The following ITCH variants were observed in gnomAD, a reference collection of about 807,000 sequenced individuals.
ITCH encodes the protein itchy E3 ubiquitin protein ligase.
Under a neutral mutation model 126.8 loss-of-function variants are expected in ITCH, and 28 were observed. The observed-to-expected ratio is 0.22, with a 90% CI of 0.16 to 0.30. The LOEUF (loss-of-function observed/expected upper bound fraction) is 0.30. Among genes scored for constraint, ITCH ranks in the 10% least tolerant of loss-of-function variants. ITCH has a pLI of 1.00. For synonymous variants in ITCH, 342 were observed against 340.0 expected (o/e 1.01, Z -0.06); for missense variants, 631 against 1,032.4 (o/e 0.61, Z 5.33).
intron 2 of ITCH, among the ~76,000 whole-genome samples, chr20:34,389,751 A>G (rs924146363): frequency 2.6e-5 from 4 of 152,284 alleles, no homozygotes; most frequent in Admixed American, 2.6e-4. Context: ...ACTCAAAGTC[A>G]TGACCACTGG....
intron 7 of ITCH, among the ~76,000 whole-genome samples, chr20:34,436,062 C>A (rs1982965901): frequency 6.6e-6 from 1 of 152,114 alleles, no homozygotes; most frequent in African/African-American, 2.4e-5. Flanking sequence ...GGGTGTACAG[C>A]ATTGATGTTA....
At position 34,430,873 on chromosome 20, in the gene ITCH, G is replaced by A. The variant is rs550943352; in HGVS notation, c.521+6348G>A. ...TTTGGATTATGTGGTGGTGAGTGAA[G>A]GTTGAAAGTCCTATATGGAAATTTG... is the stretch of plus-strand genomic sequence containing the variant. On this transcript the variant is annotated intron_variant, in intron 7 of 24. Transcript: ENST00000374864. Among the ~76,000 whole-genome samples, 18 of 152,278 alleles carry A rather than the reference G, an allele frequency of 1.2e-4. No homozygotes were observed. The South Asian group carries it at 3.7e-3, about 32-fold the overall frequency.
intron 20 of ITCH, among the ~76,000 whole-genome samples, chr20:34,486,983 C>A (rs1427540726): frequency 6.8e-6 from 1 of 146,362 alleles, no homozygotes; most frequent in Non-Finnish European, 1.5e-5. Context: ...CATCCAGCCA[C>A]TCTCATTGTA....
intron 3 of ITCH, among the ~76,000 whole-genome samples, chr20:34,402,863 C>T (rs1187075107): frequency 1.3e-5 from 2 of 152,094 alleles, no homozygotes; most frequent in East Asian, 3.8e-4. Flanking sequence ...CTTATATTCT[C>T]GTCTTTACTC....
Position 34,466,245 on chromosome 20 carries a change from T to TG in ITCH, c.1425-3803_1425-3802insG, listed in dbSNP as rs373429074. 9.3e-3 allele frequency: 3,654 copies of TG among 393,124 alleles called. 46 individuals are homozygous for TG. The highest frequency in any genetic ancestry group is 0.024 in the South Asian group (1,214 of 51,370). 24.4% of individuals were successfully genotyped at this position (393,124 alleles called of 1,614,324 possible). ...TTGATTTTTCATAGGTTGAACCTTT[T>TG]TTGCATTCCAGGAATAAATCCTACT... On this transcript the variant is annotated intron_variant, in intron 14 of 24. Coordinates refer to ENST00000374864, the MANE Select transcript of ITCH (RefSeq NM_031483.7).
chr20:34,440,264 A>G lies in ITCH; in HGVS notation c.789A>G (p.Gly263=). 1 of 1,614,020 alleles carries G rather than the reference A, an allele frequency of 6.2e-7. No individual in the cohort carries two copies. The highest frequency in any genetic ancestry group is 8.5e-7 in the Non-Finnish European group (1 of 1,179,866). ...ATACATCTGAAGGAGCAACATCTGGATTAATAATTCCTCTTACTATATCTG... is the reference window on the plus strand; with the variant it reads ...ATACATCTGAAGGAGCAACATCTGGGTTAATAATTCCTCTTACTATATCTG... ...NTNTSEGATS[G]LIIPLTISGG... Residue 263 remains glycine (G), a synonymous_variant, in exon 9 of 25, where the codon GGA becomes GGG. Transcript: ENST00000374864.
At chr20:34,410,799 C>T (rs535835273) in intron 4 of ITCH, among the ~76,000 whole-genome samples, 352 of 152,240 alleles carry the variant, frequency 2.3e-3, no homozygotes, top group Non-Finnish European at 3.6e-3. Context: ...GCTTTGAGTG[C>T]GTACTTGATA....
chr20:34,442,048 C>T, intron 9 of ITCH, 160 bp from the exon 10 acceptor site: 1 of 672,038 alleles, frequency 1.5e-6, no homozygotes, highest in Non-Finnish European at 2.7e-6. Flanking sequence ...GATTACATTT[C>T]TTCACTTTAT....
At chr20:34,488,895 C>G (rs1382119890) in intron 20 of ITCH, among the ~76,000 whole-genome samples, 1 of 151,828 alleles carries the variant, frequency 6.6e-6, no homozygotes, top group Non-Finnish European at 1.5e-5. Flanking sequence ...AAAAATCAGC[C>G]AGGCGTGGTG....
At chr20:34,430,205 T>C (rs1982094847) in intron 7 of ITCH, among the ~76,000 whole-genome samples, 1 of 152,162 alleles carries the variant, frequency 6.6e-6, no homozygotes, top group Non-Finnish European at 1.5e-5. Context: ...GAAAACAAGC[T>C]TAGAAAGGGA....
intron 7 of ITCH, among the ~76,000 whole-genome samples, chr20:34,430,252 A>G (rs1356964128): frequency 6.6e-6 from 1 of 152,198 alleles, no homozygotes; most frequent in Non-Finnish European, 1.5e-5. Flanking sequence ...TAAGTGGGAC[A>G]GTTGAACCTG....
chr20:34,475,020 G>T (rs1600439600), intron 16 of ITCH, among the ~76,000 whole-genome samples: 1 of 151,676 alleles, frequency 6.6e-6, no homozygotes, highest in African/African-American at 2.4e-5. Context: ...CCCAGACGGG[G>T]CGGCGGGGCA....
At chr20:34,506,613 A>G (rs1445654476) in intron 24 of ITCH, among the ~76,000 whole-genome samples, 1 of 152,180 alleles carries the variant, frequency 6.6e-6, no homozygotes, top group East Asian at 1.9e-4. Flanking sequence ...CCTGAGGTGG[A>G]ACAGTTTCAT....
intron 2 of ITCH, among the ~76,000 whole-genome samples, chr20:34,376,242 G>A (rs1048323444): frequency 6.6e-6 from 1 of 151,920 alleles, no homozygotes; most frequent in African/African-American, 2.4e-5. Flanking sequence ...AGCCTCGGCA[G>A]CATGGTGAAA....
intron 9 of ITCH, chr20:34,441,629 A>G (rs1464003752): frequency 6.8e-6 from 1 of 147,714 alleles, no homozygotes; most frequent in African/African-American, 2.6e-5. Context: ...TCTATTGTCC[A>G]GGCTGGAGTG....
At chr20:34,389,130 T>C (rs2038397174) in intron 2 of ITCH, among the ~76,000 whole-genome samples, 1 of 152,194 alleles carries the variant, frequency 6.6e-6, no homozygotes, top group Non-Finnish European at 1.5e-5. Flanking sequence ...TCACATCCCA[T>C]GAGTACTGTA....
At chr20:34,408,336 A>C (rs1382597870) in intron 3 of ITCH, among the ~76,000 whole-genome samples, 4 of 152,118 alleles carry the variant, frequency 2.6e-5, no homozygotes, top group Non-Finnish European at 2.9e-5. Flanking sequence ...AGCCTCCCAA[A>C]GTTCTGGGAT....
At chr20:34,437,604 G>A (rs1983189977) in intron 7 of ITCH, among the ~76,000 whole-genome samples, 1 of 152,174 alleles carries the variant, frequency 6.6e-6, no homozygotes, top group Non-Finnish European at 1.5e-5. Context: ...ACAGCACCCG[G>A]CCTCTGTTAG....
chr20:34,383,473 T>G (rs1487279909), intron 2 of ITCH, among the ~76,000 whole-genome samples: 2 of 150,806 alleles, frequency 1.3e-5, no homozygotes, highest in Admixed American at 1.3e-4. Flanking sequence ...TTCAAGCAAT[T>G]CTCCTGCCTC....
Sources: gnomAD v4.1 joint callset for allele counts (sites outside exome capture counted in the v4.1 genomes callset) on GRCh38, gnomAD v4.1.1 for gene constraint, MANE v1.5 for transcripts, NCBI Gene and HGNC (gene_info 2026-07-23, HGNC 2026-07-21) for gene names.